POF1B: variants seen among roughly 807,000 people sequenced by gnomAD.
The protein encoded by POF1B is POF1B actin binding protein.
POF1B carries 53 observed loss-of-function variants against 55.3 expected under a neutral mutation model. That is an observed-to-expected ratio of 0.96 (90% confidence interval 0.77 to 1.20). The LOEUF (loss-of-function observed/expected upper bound fraction) is 1.20, where lower values mean the gene tolerates loss of function less well. POF1B is among the 50% of genes most tolerant of loss of function. The pLI is 0.00. For missense variants in POF1B, 478 were observed against 420.5 expected (o/e 1.14, Z -1.20); for synonymous variants, 188 against 148.3 (o/e 1.27, Z -1.95).
chrX:85,306,434 C>T (rs899139281), intron 11 of POF1B, 101 bp from the exon 12 acceptor site: 39 of 858,142 alleles, frequency 4.5e-5, no homozygotes, highest in Middle Eastern at 3.5e-4. Context: ...AAATATTTTC[C>T]TATGCCCAGT....
intron 4 of POF1B, among the ~76,000 whole-genome samples, chrX:85,356,045 A>G (rs1167205615): frequency 9.0e-6 from 1 of 111,546 alleles, no homozygotes; most frequent in Non-Finnish European, 1.9e-5. Context: ...AATAGCAAAG[A>G]CTTGGAACCA....
chrX:85,346,484 T>G (rs1366993188), intron 5 of POF1B, among the ~76,000 whole-genome samples: 1 of 110,193 alleles, frequency 9.1e-6, no homozygotes, highest in Non-Finnish European at 1.9e-5. Context: ...CATATTAGAA[T>G]CACAGTGGGT....
chrX:85,367,736 T>C lies in POF1B; in HGVS notation c.313A>G (p.Thr105Ala), dbSNP rs144015443. The C allele has an allele frequency of 5.2e-6, 6 of 1,161,190 alleles. No individual in the cohort carries two copies. Among genetic ancestry groups the C allele is most frequent in the Non-Finnish European group, 6.9e-6 (6 of 867,528 alleles). ...ELHSPTLKIS[T>A]CAPSTLHITQ... ...ATATGTAGAGTACTTGGGGCACATG[T>C]AGATATTTTTAAAGTTGGAGAATGG... The change falls in exon 3 of 17, where the codon ACA becomes GCA. Residue 105 changes from threonine to alanine, a missense_variant. Thr to Ala is a moderately conservative substitution (Grantham distance 58, BLOSUM62 0). Coordinates refer to ENST00000262753, the MANE Select transcript of POF1B (RefSeq NM_024921.4).
intron 15 of POF1B, among the ~76,000 whole-genome samples, chrX:85,283,302 A>G (rs1476371278): frequency 9.0e-6 from 1 of 111,104 alleles, no homozygotes; most frequent in African/African-American, 3.3e-5. Context: ...AAAAATTAGT[A>G]GGTAAATGTG....
intron 9 of POF1B, among the ~76,000 whole-genome samples, chrX:85,310,675 T>C (rs753429681): frequency 1.5e-3 from 169 of 111,646 alleles, no homozygotes; most frequent in African/African-American, 5.3e-3. Context: ...TGAAAAAATA[T>C]TCAAAAAAAT....
intron 7 of POF1B, among the ~76,000 whole-genome samples, chrX:85,325,304 C>T (rs191100876): frequency 9.0e-6 from 1 of 111,386 alleles, no homozygotes. Flanking sequence ...TTTTCTGTCT[C>T]TCAGGCATGC....
intron 6 of POF1B, among the ~76,000 whole-genome samples, chrX:85,331,476 A>G (rs1355555914): frequency 9.0e-6 from 1 of 111,438 alleles, no homozygotes; most frequent in African/African-American, 3.3e-5. Context: ...ATAAAAGTAC[A>G]TATTTATGAG....
intron 11 of POF1B, among the ~76,000 whole-genome samples, chrX:85,306,673 T>C (rs2147905342): frequency 9.0e-6 from 1 of 111,295 alleles, no homozygotes. Flanking sequence ...TGACAACTAG[T>C]AACTGAGCAA....
intron 4 of POF1B, among the ~76,000 whole-genome samples, chrX:85,358,133 T>TACG (rs1274523750): frequency 1.8e-5 from 2 of 111,453 alleles, no homozygotes; most frequent in Non-Finnish European, 3.8e-5. Context: ...CTGAGCAAGT[T>TACG]ACGCTTATTC....
intron 3 of POF1B, among the ~76,000 whole-genome samples, chrX:85,365,488 C>T (rs1256752810): frequency 4.5e-5 from 5 of 111,795 alleles, no homozygotes; most frequent in African/African-American, 1.6e-4. Flanking sequence ...TAGCTGACTT[C>T]TTGTCTTTGG....
intron 6 of POF1B, among the ~76,000 whole-genome samples, chrX:85,340,906 A>G (rs1210618973): frequency 2.7e-5 from 3 of 111,666 alleles, no homozygotes; most frequent in Admixed American, 9.6e-5. Context: ...AAAAAATTAG[A>G]GAATTATTAA....
intron 15 of POF1B, 54 bp downstream of exon 15, chrX:85,303,352 T>A (rs1226043639): frequency 1.2e-6 from 1 of 851,471 alleles, no homozygotes; most frequent in African/African-American, 2.1e-5. Context: ...ATGAAATAAC[T>A]TGGATTATAT....
At chrX:85,378,501 A>T (rs1192089848) in intron 2 of POF1B, among the ~76,000 whole-genome samples, 2 of 111,756 alleles carry the variant, frequency 1.8e-5, no homozygotes, top group Non-Finnish European at 3.8e-5. Flanking sequence ...ATTTTATGGG[A>T]TGTCTTAGAG....
intron 4 of POF1B, among the ~76,000 whole-genome samples, chrX:85,354,358 G>A (rs1933444771): frequency 9.0e-6 from 1 of 110,898 alleles, no homozygotes; most frequent in African/African-American, 3.3e-5. Context: ...ACGATCTTGA[G>A]TACCACATAG....
At chrX:85,339,888 A>G (rs1459651331) in intron 6 of POF1B, among the ~76,000 whole-genome samples, 1 of 111,450 alleles carries the variant, frequency 9.0e-6, no homozygotes, top group African/African-American at 3.3e-5. Flanking sequence ...GTGGTGAACC[A>G]AAATCGTGGT....
chrX:85,346,419 G>T (rs1361406224), intron 5 of POF1B, among the ~76,000 whole-genome samples: 2 of 109,710 alleles, frequency 1.8e-5, no homozygotes, highest in African/African-American at 6.6e-5. Flanking sequence ...TAATACCGAA[G>T]ATATAGGTAA....
chrX:85,376,654 TA>T (rs1314870283), intron 2 of POF1B, among the ~76,000 whole-genome samples: 1 of 111,072 alleles, frequency 9.0e-6, no homozygotes, highest in African/African-American at 3.3e-5. Context: ...TATATCTAGA[TA>T]AATTTAAAAT....
chrX:85,305,910 C>A lies in POF1B; in HGVS notation c.1318G>T (p.Val440Phe), dbSNP rs774212991. ...ATTGGGCCTGTGCAAGTCTCAGAAA[C>A]CTACAGAAGGCAAAATAACTATCTG... is the stretch of plus-strand genomic sequence containing the variant. ...EQENQNLRMQ[V>F]SETCTGPMLQ... The change falls in exon 13 of 17, where the codon GTT becomes TTT. Residue 440 changes from valine to phenylalanine, a missense_variant and splice_region_variant. Transcript: ENST00000262753. 52 of 1,203,443 alleles carry A rather than the reference C, an allele frequency of 4.3e-5. No homozygotes were observed. The South Asian group carries it at 8.1e-4, about 19-fold the overall frequency.
chrX:85,337,706 T>G (rs1246772947), intron 6 of POF1B, among the ~76,000 whole-genome samples: 3 of 111,943 alleles, frequency 2.7e-5, no homozygotes, highest in African/African-American at 9.7e-5. Flanking sequence ...AATTTAACTT[T>G]CTGTGTGAAA....
Sources: allele counts gnomAD v4.1 joint callset (sites outside exome capture counted in the v4.1 genomes callset), GRCh38; gene constraint gnomAD v4.1.1; transcripts MANE v1.5; gene names NCBI Gene and HGNC (gene_info 2026-07-23, HGNC 2026-07-21).